CADPS: variants seen among roughly 807,000 people sequenced by gnomAD.
CADPS encodes the protein calcium dependent secretion activator.
A neutral mutation model predicts 167.3 loss-of-function variants in CADPS; 57 were observed. The observed-to-expected ratio is 0.34, with a 90% CI of 0.28 to 0.42. The LOEUF (loss-of-function observed/expected upper bound fraction) is 0.42. Among genes scored for constraint, CADPS ranks in the 20% least tolerant of loss-of-function variants. The probability of loss-of-function intolerance (pLI) is 1.00; values close to 1 mark genes in which losing one functional copy is unlikely to be tolerated. For missense variants in CADPS, 1,414 were observed against 1,738.1 expected, an observed-to-expected ratio of 0.81 and a Z score of 3.32; for synonymous variants, 676 against 635.3, an observed-to-expected ratio of 1.06 and a Z score of -0.96.
chr3:62,783,876 A>T (rs2152683501), intron 1 of CADPS, among the ~76,000 whole-genome samples: 1 of 152,282 alleles, frequency 6.6e-6, no homozygotes, highest in African/African-American at 2.4e-5. Flanking sequence ...TATCTGAGAG[A>T]AGGAGAGAAA....
intron 1 of CADPS, among the ~76,000 whole-genome samples, chr3:62,812,222 G>A (rs1305820651): frequency 6.6e-6 from 1 of 152,090 alleles, no homozygotes; most frequent in Non-Finnish European, 1.5e-5. Flanking sequence ...TGATTGTTAA[G>A]TTACTTTTAT....
rs532190115 is a variant in CADPS at position 62,595,379 on chromosome 3, A to G, written c.1326-2631T>C. Among the ~76,000 whole-genome samples the G allele has an allele frequency of 2.0e-5, 3 of 152,346 alleles. No individual in the cohort carries two copies. In the East Asian group the frequency reaches 5.8e-4, roughly 29 times the overall value. ...AGATAGGGAAATCTTTGTCTTAGCAATGGCAAGGGTTTTGAACCAGATATC... is the reference window on the plus strand; with the variant it reads ...AGATAGGGAAATCTTTGTCTTAGCAGTGGCAAGGGTTTTGAACCAGATATC... On this transcript the variant is annotated intron_variant, in intron 6 of 29. Coordinates refer to ENST00000383710, the MANE Select transcript of CADPS (RefSeq NM_003716.4).
intron 23 of CADPS, 86 bp from the exon 24 acceptor site, chr3:62,474,406 G>C: frequency 8.2e-7 from 1 of 1,219,180 alleles, no homozygotes; most frequent in Non-Finnish European, 1.2e-6. Context: ...CAGTGAAAAA[G>C]AAAATTGAAG....
At chr3:62,667,970 GA>G (rs2074786793) in intron 3 of CADPS, among the ~76,000 whole-genome samples, 1 of 152,142 alleles carries the variant, frequency 6.6e-6, no homozygotes, top group Non-Finnish European at 1.5e-5. Flanking sequence ...AATTGGCCTT[GA>G]CAGTGCGCCT....
rs1467598111 is a variant in CADPS, at chr3:62,650,837, G to A, written c.1203+10C>T. The stretch of plus-strand genomic sequence containing the variant: ...TGCCAAGAAACTTTCAAGGGCTCAG[G>A]GCTTTTTACCTCCAATGAGAAAGAC... On this transcript the variant is annotated intron_variant, in intron 5 of 29. Coordinates refer to ENST00000383710, the MANE Select transcript of CADPS (RefSeq NM_003716.4). 2 of 1,608,672 alleles carry A rather than the reference G, an allele frequency of 1.2e-6. No homozygotes were observed. Among genetic ancestry groups the A allele is most frequent in the Non-Finnish European group, 1.7e-6 (2 of 1,175,392 alleles).
intron 3 of CADPS, among the ~76,000 whole-genome samples, chr3:62,670,215 G>C (rs1412609902): frequency 6.6e-6 from 1 of 152,088 alleles, no homozygotes; most frequent in Non-Finnish European, 1.5e-5. Context: ...CACATTGTAG[G>C]TGTATATAAC....
chr3:62,492,483 T>C (rs755832830), intron 19 of CADPS, 37 bp from the exon 20 acceptor site: 20 of 1,588,824 alleles, frequency 1.3e-5, no homozygotes, highest in Non-Finnish European at 1.6e-5. Flanking sequence ...GACAAAGAAG[T>C]GATGAGCTTC....
intron 18 of CADPS, among the ~76,000 whole-genome samples, chr3:62,493,938 G>T (rs2064177931): frequency 6.6e-6 from 1 of 152,152 alleles, no homozygotes; most frequent in Admixed American, 6.6e-5. Context: ...AGTTATTAAT[G>T]CAACATAAGT....
At chr3:62,512,837 A>C (rs985165998) in intron 16 of CADPS, 69 bp from the exon 17 acceptor site, 4 of 1,394,624 alleles carry the variant, frequency 2.9e-6, no homozygotes, top group Non-Finnish European at 4.0e-6. Flanking sequence ...AGAATTAATG[A>C]GCAAGTGGAC....
chr3:62,853,022 G>A (rs2078938418), intron 1 of CADPS, among the ~76,000 whole-genome samples: 1 of 152,214 alleles, frequency 6.6e-6, no homozygotes, highest in Middle Eastern at 3.4e-3. Context: ...AGATGTAAAT[G>A]AGCTACAGCC....
chr3:62,667,694 T>C (rs2074726651), intron 3 of CADPS, among the ~76,000 whole-genome samples: 1 of 152,036 alleles, frequency 6.6e-6, no homozygotes. Flanking sequence ...CATTCCCAAA[T>C]GTACCTGATC....
intron 9 of CADPS, among the ~76,000 whole-genome samples, chr3:62,564,826 C>T (rs2079841358): frequency 6.6e-6 from 1 of 151,838 alleles, no homozygotes; most frequent in African/African-American, 2.4e-5. Context: ...AGGCTGGTCT[C>T]GAACTCCTGA....
rs71631127 is a variant in CADPS, at chr3:62,721,134, TA to T, written c.888+32306del. ...GCCCGGCAGGTTTTTTTTTTTTTTT[TA>T]AAAAAAAAAAGAAGAAAAAAGAAAA... On this transcript the variant is annotated intron_variant, in intron 3 of 29. Coordinates refer to ENST00000383710, the MANE Select transcript of CADPS (RefSeq NM_003716.4). 5.6e-3 allele frequency among the ~76,000 whole-genome samples: 650 copies of T among 116,204 alleles called. 8 individuals are homozygous for T. The highest frequency in any genetic ancestry group is 0.015 in the African/African-American group (432 of 28,986). The allele number at this position is 116,204 out of a possible 152,430, so 76.2% of individuals were successfully genotyped here. A position where few individuals can be genotyped will look rare whatever the true frequency, so the allele number is the denominator to read the frequency against.
At chr3:62,815,074 T>A (rs1471684645) in intron 1 of CADPS, among the ~76,000 whole-genome samples, 1 of 152,160 alleles carries the variant, frequency 6.6e-6, no homozygotes, top group East Asian at 1.9e-4. Flanking sequence ...AATGTCAACT[T>A]CTTAGTATTC....
Position 62,650,861 on chromosome 3 carries a change from A to C in CADPS, c.1189T>G (p.Ser397Ala). The change falls in exon 5 of 30, where the codon TCT becomes GCT. Residue 397 changes from serine to alanine, a missense_variant. This residue lies in a region of CADPS where 522 missense variants were observed against 559.5 expected (regional missense o/e 0.93). Coordinates refer to ENST00000383710, the MANE Select transcript of CADPS (RefSeq NM_003716.4). ...NQLSKSDVVL[S>A]FSLEVVIMEV... Reference sequence around the variant, plus strand: ...GGGCTTTTTACCTCCAATGAGAAAGACAGCACGACATCTGACTTGGAGAGC... The same window carrying C: ...GGGCTTTTTACCTCCAATGAGAAAGCCAGCACGACATCTGACTTGGAGAGC... 1 of 1,613,852 alleles carries C rather than the reference A, an allele frequency of 6.2e-7. No individual in the cohort carries two copies. Among genetic ancestry groups the C allele is most frequent in the Non-Finnish European group, 8.5e-7 (1 of 1,179,810 alleles).
intron 3 of CADPS, among the ~76,000 whole-genome samples, chr3:62,696,409 T>C (rs2080287645): frequency 6.6e-6 from 1 of 152,052 alleles, no homozygotes. Flanking sequence ...ATACACCCTC[T>C]TTGCACCTCA....
At chr3:62,746,471 G>C (rs72878374) in intron 3 of CADPS, among the ~76,000 whole-genome samples, 41 of 152,158 alleles carry the variant, frequency 2.7e-4, no homozygotes, top group African/African-American at 9.9e-4. Context: ...AAGTAAGCTG[G>C]GACCACAGGT....
intron 6 of CADPS, among the ~76,000 whole-genome samples, chr3:62,599,852 A>AAT (rs369451434): frequency 0.018 from 760 of 42,550 alleles, 30 homozygotes; most frequent in African/African-American, 0.074. Context: ...ATATATATAT[A>AAT]ATATATATAA....
intron 3 of CADPS, among the ~76,000 whole-genome samples, chr3:62,698,731 CTTTTTTTTTTTTTT>C (rs201324385): frequency 1.8e-4 from 12 of 67,212 alleles, no homozygotes; most frequent in African/African-American, 7.2e-4. Flanking sequence ...TCCCCACTTC[CTTTTTTTTTTTTTT>C]TTTTTTTTTT....
Sources: gnomAD v4.1 joint callset for allele counts (sites outside exome capture counted in the v4.1 genomes callset) on GRCh38, gnomAD v4.1.1 for gene constraint, gnomAD v4.1.1 regional missense constraint, MANE v1.5 for transcripts, NCBI Gene and HGNC (gene_info 2026-07-23, HGNC 2026-07-21) for gene names.